TPCN1: variants seen among roughly 807,000 people sequenced by gnomAD.
TPCN1 encodes two pore channel protein 1.
In TPCN1, 52 loss-of-function variants were observed where a neutral mutation model predicts 108.8. That is an observed-to-expected ratio of 0.48 (90% CI 0.38 to 0.60). The LOEUF (loss-of-function observed/expected upper bound fraction) is 0.60. Ranked by LOEUF, TPCN1 falls within the 20% of genes least tolerant of loss-of-function variation. TPCN1 has a pLI of 0.00. For synonymous variants in TPCN1, 446 were observed against 433.7 expected (o/e 1.03, Z -0.35); for missense variants, 806 against 1,072.8 (o/e 0.75, Z 3.47).
At chr12:113,249,313 G>A (rs1954536993) in intron 2 of TPCN1, among the ~76,000 whole-genome samples, 1 of 152,326 alleles carries the variant, frequency 6.6e-6, no homozygotes, top group South Asian at 2.1e-4. Flanking sequence ...AGAGACAGTG[G>A]CCGGCGTACC....
In TPCN1 at chr12:113,267,973, T is replaced by C; in HGVS notation, c.528+17T>C. 1 of 1,553,580 alleles carries C rather than the reference T, an allele frequency of 6.4e-7. No homozygotes were observed. Among genetic ancestry groups the C allele is most frequent in the Non-Finnish European group, 8.9e-7 (1 of 1,129,254 alleles). On this transcript the variant is annotated intron_variant, in intron 5 of 27. Transcript: ENST00000335509. ...ATGGTCAAGGTGATGTGTCCGCCCA[T>C]CTGTCCCTCCCCTCACAGCCTTTTC...
chr12:113,247,244 G>T (rs1415120966), intron 2 of TPCN1, among the ~76,000 whole-genome samples: 1 of 152,130 alleles, frequency 6.6e-6, no homozygotes, highest in African/African-American at 2.4e-5. Flanking sequence ...AGGAAGCTGG[G>T]CCTGCCGGGA....
At chr12:113,249,184 G>A (rs1954529464) in intron 2 of TPCN1, among the ~76,000 whole-genome samples, 1 of 152,200 alleles carries the variant, frequency 6.6e-6, no homozygotes, top group African/African-American at 2.4e-5. Flanking sequence ...GCCCATAAGA[G>A]TGCATCCCAA....
chr12:113,290,374 G>T, intron 22 of TPCN1, 131 bp downstream of exon 22: 1 of 675,838 alleles, frequency 1.5e-6, no homozygotes. Context: ...TGGCCCAGGT[G>T]GAGGACTTGG....
chr12:113,292,817 C>T (rs1484269440), intron 25 of TPCN1, 117 bp from the exon 26 acceptor site: 18 of 1,174,120 alleles, frequency 1.5e-5, no homozygotes, highest in East Asian at 7.1e-5. Flanking sequence ...AATGCAGTGT[C>T]GGTTTAGAGA....
chr12:113,296,091 G>C lies in TPCN1; in HGVS notation c.*15G>C. The C allele has an allele frequency of 1.9e-6, 3 of 1,612,092 alleles. No individual in the cohort carries two copies. The highest frequency in any genetic ancestry group is 2.5e-6 in the Non-Finnish European group (3 of 1,178,920). Reference sequence around the variant, plus strand: ...CCGTTACCTAGCCCAGCGCCCGAAAGCCGTCTCTTCTATGCAATAACACAA... The same window carrying C: ...CCGTTACCTAGCCCAGCGCCCGAAACCCGTCTCTTCTATGCAATAACACAA... On this transcript the variant is annotated 3_prime_UTR_variant, in exon 28 of 28. Coordinates refer to ENST00000335509, the MANE Select transcript of TPCN1 (RefSeq NM_017901.6).
chr12:113,224,087 A>G (rs1953377059), intron 1 of TPCN1, among the ~76,000 whole-genome samples: 2 of 152,346 alleles, frequency 1.3e-5, no homozygotes, highest in African/African-American at 4.8e-5. Flanking sequence ...GAGCAAGTAT[A>G]TATTGATGAT....
chr12:113,236,131 G>A (rs1566140016), intron 2 of TPCN1, among the ~76,000 whole-genome samples: 3 of 152,186 alleles, frequency 2.0e-5, no homozygotes, highest in Non-Finnish European at 4.4e-5. Flanking sequence ...TCAGGGTAGT[G>A]TCTGAACATT....
chr12:113,243,786 A>T (rs565963878), intron 2 of TPCN1, among the ~76,000 whole-genome samples: 1 of 152,154 alleles, frequency 6.6e-6, no homozygotes, highest in South Asian at 2.1e-4. Context: ...AAAATAAAAT[A>T]AAAAAAGTTT....
At position 113,289,206 on chromosome 12, in the gene TPCN1, T is replaced by C. The variant is rs145997388; in HGVS notation, c.1796+359T>C. Among the ~76,000 whole-genome samples, 780 of 152,260 alleles carry C rather than the reference T, an allele frequency of 5.1e-3. 11 individuals are homozygous for C. Among genetic ancestry groups the C allele is most frequent in the African/African-American group, 0.018 (740 of 41,574 alleles). ...CAAGACCAGTCTTCTAGGGACAGCA[T>C]CGTAGGATAAGACAGACGGACACGT... On this transcript the variant is annotated intron_variant, in intron 21 of 27. Transcript: ENST00000335509. This position sits in a 1 kb window ranked among gnomAD's most constrained non-coding sequence, Gnocchi z 4.1.
In TPCN1 at chr12:113,277,227, C is replaced by T. The variant is rs1396028746; in HGVS notation, c.1060-13C>T. ...GTAGCCTGGGTTCCACACTGCTCTT[C>T]CCTCTCCCCCAGAGGCCTGCCGGCA... On this transcript the variant is annotated splice_polypyrimidine_tract_variant and intron_variant, in intron 11 of 27. Transcript: ENST00000335509. 1 of 1,612,028 alleles carries T rather than the reference C, an allele frequency of 6.2e-7. No homozygotes were observed. Among genetic ancestry groups the T allele is most frequent in the Non-Finnish European group, 8.5e-7 (1 of 1,179,048 alleles).
intron 2 of TPCN1, among the ~76,000 whole-genome samples, chr12:113,254,855 T>C (rs1954775524): frequency 6.6e-6 from 1 of 152,212 alleles, no homozygotes. Flanking sequence ...CACCCATTCA[T>C]GGTAAGATCT....
chr12:113,295,990 G>C lies in TPCN1; in HGVS notation c.2365G>C (p.Glu789Gln). The change falls in exon 28 of 28, where the codon GAG becomes CAG. Residue 789 changes from glutamate to glutamine, a missense_variant. Glu to Gln is a conservative substitution (Grantham distance 29). Coordinates refer to ENST00000335509, the MANE Select transcript of TPCN1 (RefSeq NM_017901.6). Reference sequence around the variant, plus strand: ...GTATGAGGAGCATGCCAGGGAGCAAGAGCAGCAGCGACAACTCAGCAGCAG... The same window carrying C: ...GTATGAGGAGCATGCCAGGGAGCAACAGCAGCAGCGACAACTCAGCAGCAG... ...EWYEEHAREQ[E>Q]QQRQLSSSAA... The C allele has an allele frequency of 1.9e-6, 3 of 1,611,674 alleles. No individual in the cohort carries two copies. Among genetic ancestry groups the C allele is most frequent in the Non-Finnish European group, 1.7e-6 (2 of 1,179,402 alleles).
intron 7 of TPCN1, among the ~76,000 whole-genome samples, chr12:113,270,653 G>A (rs968627642): frequency 1.3e-5 from 2 of 152,036 alleles, no homozygotes; most frequent in African/African-American, 4.8e-5. Context: ...GCTACTTTTT[G>A]TAGTTTTAGT....
At chr12:113,222,637 G>A (rs779941421) in intron 1 of TPCN1, among the ~76,000 whole-genome samples, 44 of 152,190 alleles carry the variant, frequency 2.9e-4, no homozygotes, top group Non-Finnish European at 5.1e-4. Flanking sequence ...TTAAACAACC[G>A]TGTTGAAGCA....
intron 2 of TPCN1, among the ~76,000 whole-genome samples, chr12:113,250,775 TA>T (rs1954602609): frequency 1.3e-5 from 2 of 151,468 alleles, no homozygotes; most frequent in Non-Finnish European, 2.9e-5. Flanking sequence ...GCCAACATGG[TA>T]AAACCCCGTC....
chr12:113,296,015 G>C lies in TPCN1; in HGVS notation c.2390G>C (p.Ser797Thr). ...EQEQQRQLSS[S>T]AAPAAQQPPG... Reference sequence around the variant, plus strand: ...GAGCAGCAGCGACAACTCAGCAGCAGTGCAGCCCCCGCCGCCCAGCAGCCC... The same window carrying C: ...GAGCAGCAGCGACAACTCAGCAGCACTGCAGCCCCCGCCGCCCAGCAGCCC... Residue 797 changes from serine to threonine, a missense_variant, in exon 28 of 28, where the codon AGT (serine) becomes ACT (threonine). Coordinates refer to ENST00000335509, the MANE Select transcript of TPCN1 (RefSeq NM_017901.6). 6.2e-7 allele frequency: 1 copy of C among 1,613,060 alleles called. No individual in the cohort carries two copies. Among genetic ancestry groups the C allele is most frequent in the Admixed American group, 1.7e-5 (1 of 59,980 alleles).
At chr12:113,225,105 A>G (rs1230460689) in intron 1 of TPCN1, 1 of 299,798 alleles carries the variant, frequency 3.3e-6, no homozygotes, top group Non-Finnish European at 6.7e-6. Context: ...TCCAGGCTGG[A>G]CTGCAGTGGT....
chr12:113,260,410 T>G lies in TPCN1; in HGVS notation c.155T>G (p.Leu52Arg). The change falls in exon 3 of 28, where the codon CTC (leucine) becomes CGC (arginine). Residue 52 changes from leucine (L) to arginine (R), a missense_variant. Leu to Arg is a moderately radical substitution (Grantham distance 102, BLOSUM62 -2). Transcript: ENST00000335509. Reference sequence around the variant, plus strand: ...ATCCACGACTCCCAGGCCCCCAGTCTCAGCTCTGGGGGTGAGAGTTCCCCC... The same window carrying G: ...ATCCACGACTCCCAGGCCCCCAGTCGCAGCTCTGGGGGTGAGAGTTCCCCC... Reference protein sequence around the residue: ...YAIHDSQAPSLSSGGESSPSS... With the variant: ...YAIHDSQAPSRSSGGESSPSS... 1 of 1,531,516 alleles carries G rather than the reference T, an allele frequency of 6.5e-7. No individual in the cohort carries two copies. The highest frequency in any genetic ancestry group is 1.3e-5 in the South Asian group (1 of 79,370). 94.9% of individuals were successfully genotyped at this position (1,531,516 alleles called of 1,614,324 possible). A position where few individuals can be genotyped will look rare whatever the true frequency, so the allele number is the denominator to read the frequency against.
Sources: gnomAD v4.1 joint callset for allele counts (sites outside exome capture counted in the v4.1 genomes callset) on GRCh38, gnomAD v4.1.1 for gene constraint, Gnocchi (gnomAD v3.1) non-coding constraint, MANE v1.5 for transcripts, NCBI Gene and HGNC (gene_info 2026-07-23, HGNC 2026-07-21) for gene names.